The following PEX5L variants were observed in gnomAD, a reference collection of about 807,000 sequenced individuals.
PEX5L encodes peroxisomal biogenesis factor 5 like, also known as PEX5-related protein.
Under a neutral mutation model 84.0 loss-of-function variants are expected in PEX5L, and 30 were observed. The ratio of observed to expected loss-of-function variants is 0.36; its 90% CI spans 0.27 to 0.48. The LOEUF (loss-of-function observed/expected upper bound fraction) is 0.48, where lower values mean the gene tolerates loss of function less well. Among genes scored for constraint, PEX5L ranks in the 20% least tolerant of loss-of-function variants. The probability of loss-of-function intolerance (pLI) is 0.99; values close to 1 mark genes in which losing one functional copy is unlikely to be tolerated. For missense variants in PEX5L, 533 were observed against 754.6 expected (o/e 0.71, Z 3.44); for synonymous variants, 270 against 283.1 (o/e 0.95, Z 0.46).
intron 2 of PEX5L, among the ~76,000 whole-genome samples, chr3:179,920,927 AT>A (rs976359665): frequency 2.6e-5 from 4 of 152,180 alleles, no homozygotes; most frequent in African/African-American, 9.6e-5. Flanking sequence ...TATACACAGT[AT>A]TTTTTACACA....
At chr3:179,888,415 T>C (rs1756580765) in intron 3 of PEX5L, among the ~76,000 whole-genome samples, 1 of 152,242 alleles carries the variant, frequency 6.6e-6, no homozygotes, top group Non-Finnish European at 1.5e-5. Flanking sequence ...ATAAAATCTA[T>C]TTGTAAAATA....
chr3:179,980,119 T>G (rs1218812408), intron 1 of PEX5L, among the ~76,000 whole-genome samples: 1 of 152,216 alleles, frequency 6.6e-6, no homozygotes, highest in Non-Finnish European at 1.5e-5. Context: ...CCAGCATATT[T>G]TTTTGGAAAC....
chr3:179,801,892 A>C lies in PEX5L; in HGVS notation c.1817T>G (p.Leu606Arg). 6.2e-7 allele frequency: 1 copy of C among 1,614,110 alleles called. No individual in the cohort carries two copies. The highest frequency in any genetic ancestry group is 8.5e-7 in the Non-Finnish European group (1 of 1,179,956). Residue 606 changes from leucine (L) to arginine (R), a missense_variant, in exon 15 of 15, where the codon CTC becomes CGC. Transcript: ENST00000467460. ...IALSLMDQPE[L>R]FQAANLGDLD... ...GTCACCAAGATTAGCCGCCTGGAAG[A>C]GTTCTGGTTGGTCCATCAGAGAGAG...
chr3:179,809,648 T>C lies in PEX5L; in HGVS notation c.1175A>G (p.Asn392Ser). Residue 392 changes from asparagine to serine, a missense_variant, in exon 12 of 15, where the codon AAC becomes AGC. Asn to Ser is a conservative substitution (Grantham distance 46). Around this residue, in one of 8 missense-constraint regions of PEX5L, gnomAD observed 32 missense variants for 45.5 expected, o/e 0.70. Coordinates refer to ENST00000467460, the MANE Select transcript of PEX5L (RefSeq NM_016559.3). ...CAAGGCCATCAAAGCTTTTAAGTTG[T>C]TGGGCTGTAATTCTAAGCACCTGAA... is the stretch of plus-strand genomic sequence containing the variant. Reference protein sequence around the residue: ...ALQRCLELQPNNLKALMALAV... With the variant: ...ALQRCLELQPSNLKALMALAV... The C allele has an allele frequency of 6.2e-7, 1 of 1,608,362 alleles. No homozygotes were observed. The highest frequency in any genetic ancestry group is 8.5e-7 in the Non-Finnish European group (1 of 1,178,648).
chr3:179,863,263 A>G (rs538950047), intron 7 of PEX5L, among the ~76,000 whole-genome samples: 109 of 152,354 alleles, frequency 7.2e-4, no homozygotes, highest in Non-Finnish European at 1.1e-3. Flanking sequence ...GAAATGCTAC[A>G]TGACACTAGT....
At chr3:179,903,735 G>T (rs1360241332) in intron 2 of PEX5L, among the ~76,000 whole-genome samples, 3 of 152,170 alleles carry the variant, frequency 2.0e-5, no homozygotes, top group Non-Finnish European at 4.4e-5. Context: ...ACAGGAAAAG[G>T]TCAGGGCAAT....
intron 1 of PEX5L, among the ~76,000 whole-genome samples, chr3:180,009,542 T>C (rs1046368149): frequency 7.9e-5 from 12 of 151,918 alleles, no homozygotes; most frequent in Admixed American, 1.3e-4. Context: ...TTGTAGGAAC[T>C]CAGCATGAGT....
chr3:179,852,237 G>C (rs1187461528), intron 8 of PEX5L, among the ~76,000 whole-genome samples: 1 of 152,118 alleles, frequency 6.6e-6, no homozygotes, highest in African/African-American at 2.4e-5. Context: ...GAATCCATTC[G>C]CAAGATAGCT....
In PEX5L at chr3:179,805,249, C is replaced by T. The variant is rs995291566; in HGVS notation, c.1676+2425G>A. 6.8e-4 allele frequency among the ~76,000 whole-genome samples: 100 copies of T among 147,334 alleles called. 1 individual carries two copies. Among genetic ancestry groups the T allele is most frequent in the Middle Eastern group, 3.4e-3 (1 of 294 alleles). ...CAATAAAAGACCCACAAAACTTAGT[C>T]GATACGTTCCAAAGTAGCCAACTGA... On this transcript the variant is annotated intron_variant, in intron 14 of 14. Coordinates refer to ENST00000467460, the MANE Select transcript of PEX5L (RefSeq NM_016559.3).
chr3:179,850,286 C>T (rs1331144349), intron 8 of PEX5L, among the ~76,000 whole-genome samples: 1 of 151,994 alleles, frequency 6.6e-6, no homozygotes, highest in Non-Finnish European at 1.5e-5. Context: ...ACCATCATGC[C>T]TGGCTAATTT....
At chr3:180,028,080 T>C (rs1202446020) in intron 1 of PEX5L, among the ~76,000 whole-genome samples, 1 of 152,180 alleles carries the variant, frequency 6.6e-6, no homozygotes, top group Non-Finnish European at 1.5e-5. Context: ...AAAAGTTCCT[T>C]TTTTTCTTTT....
At chr3:180,031,689 C>A (rs1791483829) in intron 1 of PEX5L, among the ~76,000 whole-genome samples, 1 of 152,080 alleles carries the variant, frequency 6.6e-6, no homozygotes, top group African/African-American at 2.4e-5. Context: ...AAATATAAAA[C>A]CTTTTAACAG....
chr3:179,902,862 G>C (rs1761876053), intron 2 of PEX5L, among the ~76,000 whole-genome samples: 1 of 152,066 alleles, frequency 6.6e-6, no homozygotes, highest in Non-Finnish European at 1.5e-5. Flanking sequence ...AATTGAGATA[G>C]GTTAGATTAG....
At chr3:179,910,042 T>C (rs1764647485) in intron 2 of PEX5L, among the ~76,000 whole-genome samples, 1 of 152,260 alleles carries the variant, frequency 6.6e-6, no homozygotes, top group African/African-American at 2.4e-5. Flanking sequence ...GCGGTCTTAC[T>C]CTTACATCTC....
rs1279045375 is a variant in PEX5L, at chr3:179,798,773, A to AGAT, written c.*3052_*3054dup. 2.0e-5 allele frequency: 3 copies of AGAT among 152,232 alleles called. No individual in the cohort carries two copies. Among genetic ancestry groups the AGAT allele is most frequent in the African/African-American group, 7.2e-5 (3 of 41,452 alleles). 9.4% of individuals were successfully genotyped at this position (152,232 alleles called of 1,614,324 possible). A position where few individuals can be genotyped will look rare whatever the true frequency, so the allele number is the denominator to read the frequency against. On this transcript the variant is annotated 3_prime_UTR_variant, in exon 15 of 15. Transcript: ENST00000467460. ...TTTAAATGACAATTTCATGCCATGA[A>AGAT]GATAAGATGCCAAAAATTGTTCTGC...
chr3:179,919,736 A>G (rs1281533766), intron 2 of PEX5L, among the ~76,000 whole-genome samples: 3 of 152,088 alleles, frequency 2.0e-5, no homozygotes, highest in Non-Finnish European at 2.9e-5. Context: ...GAAGTCTTGC[A>G]CTGTCACCCA....
intron 3 of PEX5L, among the ~76,000 whole-genome samples, chr3:179,893,428 T>G (rs1425903190): frequency 6.6e-6 from 1 of 152,154 alleles, no homozygotes; most frequent in Non-Finnish European, 1.5e-5. Flanking sequence ...TAAACTACAG[T>G]GTATGTTTAT....
In PEX5L at chr3:179,958,207, T is replaced by C. The variant is rs111491548; in HGVS notation, c.93+13387A>G. Among the ~76,000 whole-genome samples, 31 of 152,334 alleles carry C rather than the reference T, an allele frequency of 2.0e-4. 1 individual carries two copies. Among genetic ancestry groups the C allele is most frequent in the Admixed American group, 7.2e-4 (11 of 15,302 alleles). On this transcript the variant is annotated intron_variant, in intron 2 of 14. Coordinates refer to ENST00000467460, the MANE Select transcript of PEX5L (RefSeq NM_016559.3). ...AAGGCTTTTTCAGATTTTACCATCT[T>C]ATGTTATTTCCTAACAGTCAAAATT...
intron 5 of PEX5L, among the ~76,000 whole-genome samples, chr3:179,877,386 T>C (rs1460650755): frequency 6.6e-6 from 1 of 152,254 alleles, no homozygotes; most frequent in African/African-American, 2.4e-5. Context: ...AACCTTTTCA[T>C]AGGACATTTT....
Sources: gnomAD v4.1 joint callset for allele counts (sites outside exome capture counted in the v4.1 genomes callset) on GRCh38, gnomAD v4.1.1 for gene constraint, gnomAD v4.1.1 regional missense constraint, MANE v1.5 for transcripts, NCBI Gene and HGNC (gene_info 2026-07-23, HGNC 2026-07-21) for gene names.